Variants in ARHGAP32 observed in about 807,000 individuals in gnomAD.
ARHGAP32 encodes the protein Rho GTPase activating protein 32.
In ARHGAP32, 51 loss-of-function variants were observed where a neutral mutation model predicts 186.5. The observed-to-expected ratio is 0.27, with a 90% CI of 0.22 to 0.35. The LOEUF is 0.35. ARHGAP32 is among the 10% of genes least tolerant of loss of function. ARHGAP32 has a pLI of 1.00. For synonymous variants in ARHGAP32, 950 were observed against 964.3 expected (o/e 0.99, Z 0.27); for missense variants, 2,186 against 2,623.5 (o/e 0.83, Z 3.64).
At chr11:129,208,883 A>G (rs1944547347) in intron 1 of ARHGAP32, among the ~76,000 whole-genome samples, 1 of 152,206 alleles carries the variant, frequency 6.6e-6, no homozygotes, top group Non-Finnish European at 1.5e-5. Flanking sequence ...AGAGTTCTAA[A>G]CTTTCCAAAG....
intron 2 of ARHGAP32, among the ~76,000 whole-genome samples, chr11:129,141,414 T>C (rs899049590): frequency 6.6e-6 from 1 of 151,944 alleles, no homozygotes; most frequent in Non-Finnish European, 1.5e-5. Context: ...TAGGTGGGAA[T>C]TGAACAATGA....
chr11:129,218,753 A>G (rs960449426), intron 1 of ARHGAP32, among the ~76,000 whole-genome samples: 4 of 150,412 alleles, frequency 2.7e-5, no homozygotes, highest in East Asian at 3.9e-4. Context: ...AACAACAACA[A>G]AACTATTCAG....
intron 6 of ARHGAP32, among the ~76,000 whole-genome samples, chr11:129,093,341 C>A (rs1941633594): frequency 6.6e-6 from 1 of 151,998 alleles, no homozygotes. Flanking sequence ...GTGTCAAAAG[C>A]CTTAGGAACT....
intron 5 of ARHGAP32, among the ~76,000 whole-genome samples, chr11:129,117,307 T>C (rs141098029): frequency 2.4e-3 from 365 of 152,154 alleles, no homozygotes; most frequent in African/African-American, 8.3e-3. Flanking sequence ...TGGAGCGTAA[T>C]TGAGACAATG....
At chr11:129,158,076 C>G (rs1003471159) in intron 2 of ARHGAP32, among the ~76,000 whole-genome samples, 1 of 152,118 alleles carries the variant, frequency 6.6e-6, no homozygotes, top group East Asian at 1.9e-4. Context: ...CTTAAGGAAG[C>G]ACTACATATG....
At chr11:129,141,119 A>C (rs961887221) in intron 2 of ARHGAP32, among the ~76,000 whole-genome samples, 9 of 152,236 alleles carry the variant, frequency 5.9e-5, no homozygotes, top group Non-Finnish European at 1.3e-4. Context: ...AAAGCAAGGA[A>C]ATATAAAATT....
chr11:129,066,815 T>C lies in ARHGAP32; in HGVS notation c.585A>G (p.Lys195=), dbSNP rs185995910. ...RSYEDFRVLD[K]HLHLCIYDRR... is the part of the protein sequence containing the mutation. ...GGTCATAAATACACAGATGAAGATG[T>C]TTATCAAGTACCCGAAAATCTTCAT... Residue 195 remains lysine, a synonymous_variant, in exon 7 of 23, where the codon AAA becomes AAG. Coordinates refer to ENST00000682385, the MANE Select transcript of ARHGAP32 (RefSeq NM_001378024.1). 9.8e-5 allele frequency: 158 copies of C among 1,612,096 alleles called. No individual in the cohort carries two copies. In the African/African-American group the frequency reaches 1.5e-3, roughly 16 times the overall value.
At chr11:129,235,939 A>ACACT (rs1491239598) in intron 1 of ARHGAP32, among the ~76,000 whole-genome samples, 1 of 135,818 alleles carries the variant, frequency 7.4e-6, no homozygotes, top group Non-Finnish European at 1.6e-5. Context: ...ACACACACAC[A>ACACT]CTCACACACA....
intron 1 of ARHGAP32, among the ~76,000 whole-genome samples, chr11:129,179,272 A>G (rs960400293): frequency 3.3e-5 from 5 of 152,204 alleles, no homozygotes; most frequent in Admixed American, 6.5e-5. Context: ...TAGAATGGCA[A>G]TCATTAAAAA....
chr11:129,033,970 T>C (rs11221542), intron 11 of ARHGAP32, among the ~76,000 whole-genome samples: 1 of 152,356 alleles, frequency 6.6e-6, no homozygotes, highest in East Asian at 1.9e-4. Flanking sequence ...ACGTCGTAAT[T>C]AGTGAAGCTT....
chr11:129,218,207 T>C (rs1944669064), intron 1 of ARHGAP32, among the ~76,000 whole-genome samples: 1 of 152,300 alleles, frequency 6.6e-6, no homozygotes, highest in East Asian at 1.9e-4. Flanking sequence ...TTAAATAATA[T>C]CTGTTTATTA....
chr11:129,139,962 C>A (rs773284846), intron 2 of ARHGAP32, among the ~76,000 whole-genome samples: 2 of 152,170 alleles, frequency 1.3e-5, no homozygotes, highest in Non-Finnish European at 2.9e-5. Context: ...TTCAATCAAT[C>A]TAGGTACTGC....
At chr11:129,008,628 A>C (rs1028588073) in intron 11 of ARHGAP32, among the ~76,000 whole-genome samples, 2 of 152,218 alleles carry the variant, frequency 1.3e-5, no homozygotes, top group East Asian at 1.9e-4. Flanking sequence ...AAAACAAAGC[A>C]GTTATTCTAG....
chr11:128,973,172 A>T lies in ARHGAP32; in HGVS notation c.3334T>A (p.Phe1112Ile). 6.2e-7 allele frequency: 1 copy of T among 1,614,126 alleles called. No homozygotes were observed. Among genetic ancestry groups the T allele is most frequent in the South Asian group, 1.1e-5 (1 of 91,082 alleles). The change falls in exon 22 of 23, where the codon TTC becomes ATC. Residue 1112 changes from phenylalanine (F) to isoleucine (I), a missense_variant. By Grantham distance (21) the Phe-to-Ile change is conservative. Around this residue, in one of 5 missense-constraint regions of ARHGAP32, gnomAD observed 1,502 missense variants for 1,570.0 expected, o/e 0.96. Transcript: ENST00000682385. ...YSAVALDKAY[F>I]QTDRPAEQFH... Reference sequence around the variant, plus strand: ...TGCTCTGCTGGTCGATCGGTTTGGAAATAGGCCTTATCTAGAGCAACTGCA... The same window carrying T: ...TGCTCTGCTGGTCGATCGGTTTGGATATAGGCCTTATCTAGAGCAACTGCA...
chr11:128,995,416 G>T (rs1946171192), intron 12 of ARHGAP32, among the ~76,000 whole-genome samples: 1 of 152,124 alleles, frequency 6.6e-6, no homozygotes, highest in African/African-American at 2.4e-5. Context: ...GCTATATGCT[G>T]CCCAGGCTGG....
At chr11:129,210,378 T>A (rs887977983) in intron 1 of ARHGAP32, among the ~76,000 whole-genome samples, 9 of 152,310 alleles carry the variant, frequency 5.9e-5, no homozygotes, top group African/African-American at 2.2e-4. Flanking sequence ...TTAATTCTGA[T>A]AACCAGAAGA....
chr11:128,990,019 T>C (rs756673836), intron 12 of ARHGAP32, among the ~76,000 whole-genome samples: 2 of 152,184 alleles, frequency 1.3e-5, no homozygotes, highest in East Asian at 1.9e-4. Context: ...ATAATTTACA[T>C]TTAATTATTA....
intron 1 of ARHGAP32, among the ~76,000 whole-genome samples, chr11:129,198,615 C>T (rs1944422212): frequency 6.6e-6 from 1 of 152,148 alleles, no homozygotes; most frequent in South Asian, 2.1e-4. Flanking sequence ...TCATCTTCTG[C>T]CGTGATTTTG....
At chr11:129,018,996 ACT>A (rs1938481558) in intron 11 of ARHGAP32, among the ~76,000 whole-genome samples, 1 of 152,080 alleles carries the variant, frequency 6.6e-6, no homozygotes, top group African/African-American at 2.4e-5. Context: ...CACATGAATA[ACT>A]CTGGCGATGT....
Sources: allele counts gnomAD v4.1 joint callset (sites outside exome capture counted in the v4.1 genomes callset), GRCh38; gene constraint gnomAD v4.1.1; regional missense constraint gnomAD v4.1.1; transcripts MANE v1.5; gene names NCBI Gene and HGNC (gene_info 2026-07-23, HGNC 2026-07-21).